Variants in EEPD1 observed in about 807,000 individuals in gnomAD.
EEPD1 encodes endonuclease/exonuclease/phosphatase family domain-containing protein 1.
EEPD1 carries 17 observed loss-of-function variants against 46.3 expected under a neutral mutation model. The ratio of observed to expected loss-of-function variants is 0.37; its 90% CI spans 0.25 to 0.55. EEPD1 has a LOEUF of 0.55. Ranked by LOEUF, EEPD1 falls within the 20% of genes least tolerant of loss-of-function variation. The pLI, the probability that EEPD1 is intolerant of heterozygous loss-of-function variation, is 0.83. For missense variants in EEPD1, 673 were observed against 745.6 expected, an observed-to-expected ratio of 0.90 and a Z score of 1.13; for synonymous variants, 313 against 315.6, an observed-to-expected ratio of 0.99 and a Z score of 0.09.
chr7:36,299,523 T>G lies in EEPD1; in HGVS notation c.*317T>G. On this transcript the variant is annotated 3_prime_UTR_variant, in exon 8 of 8. Transcript: ENST00000242108. Reference sequence around the variant, plus strand: ...TGACTGGATGGCAGCACAAAGACAATATGAGCAGAGGGAGGAGAAGAAGGG... The same window carrying G: ...TGACTGGATGGCAGCACAAAGACAAGATGAGCAGAGGGAGGAGAAGAAGGG... The G allele has an allele frequency of 2.7e-6, 1 of 370,258 alleles. No individual in the cohort carries two copies. 22.9% of individuals were successfully genotyped at this position (370,258 alleles called of 1,614,324 possible).
At chr7:36,258,445 T>G (rs1306920607) in intron 3 of EEPD1, among the ~76,000 whole-genome samples, 1 of 152,166 alleles carries the variant, frequency 6.6e-6, no homozygotes, top group East Asian at 1.9e-4. Context: ...TTCCCCCAGG[T>G]GCTCTGTCCC....
chr7:36,227,020 C>T (rs757289358), intron 2 of EEPD1, among the ~76,000 whole-genome samples: 1 of 151,818 alleles, frequency 6.6e-6, no homozygotes, highest in African/African-American at 2.4e-5. Flanking sequence ...ACTGATTTCT[C>T]ACAGATCTAA....
At chr7:36,281,320 T>A (rs1787259494) in intron 4 of EEPD1, 95 bp downstream of exon 4, 1 of 1,104,148 alleles carries the variant, frequency 9.1e-7, no homozygotes. Flanking sequence ...TTTGCCAATA[T>A]CCCCGGTTCA....
intron 6 of EEPD1, among the ~76,000 whole-genome samples, chr7:36,291,724 C>G (rs537411026): frequency 6.6e-6 from 1 of 152,174 alleles, no homozygotes; most frequent in Non-Finnish European, 1.5e-5. Flanking sequence ...GAAGCACACC[C>G]GTGGCCAGGA....
intron 2 of EEPD1, among the ~76,000 whole-genome samples, chr7:36,171,507 T>C (rs1785081434): frequency 6.6e-6 from 1 of 152,258 alleles, no homozygotes; most frequent in Admixed American, 6.5e-5. Context: ...TCAGACATCA[T>C]TGATTGAATC....
intron 2 of EEPD1, among the ~76,000 whole-genome samples, chr7:36,236,913 A>T (rs770033464): frequency 6.6e-6 from 1 of 152,218 alleles, no homozygotes; most frequent in Non-Finnish European, 1.5e-5. Flanking sequence ...CAGGCCCCCT[A>T]GCCAGCAGGG....
intron 2 of EEPD1, among the ~76,000 whole-genome samples, chr7:36,208,553 G>A (rs1317721865): frequency 3.3e-5 from 5 of 152,204 alleles, no homozygotes; most frequent in Non-Finnish European, 7.3e-5. Flanking sequence ...TGTGTCACTG[G>A]AATTGAGTGG....
At chr7:36,273,625 C>G (rs1402878774) in intron 3 of EEPD1, among the ~76,000 whole-genome samples, 2 of 152,132 alleles carry the variant, frequency 1.3e-5, no homozygotes, top group Non-Finnish European at 2.9e-5. Flanking sequence ...TATTTCCTCT[C>G]TCAGTTGTAT....
At chr7:36,207,950 C>G (rs1222946444) in intron 2 of EEPD1, among the ~76,000 whole-genome samples, 2 of 147,984 alleles carry the variant, frequency 1.4e-5, no homozygotes, top group East Asian at 2.0e-4. Context: ...TTTGTTCACA[C>G]AGGCCATTGG....
chr7:36,201,666 A>G (rs1001760161), intron 2 of EEPD1, among the ~76,000 whole-genome samples: 1 of 152,050 alleles, frequency 6.6e-6, no homozygotes, highest in African/African-American at 2.4e-5. Context: ...CCAGCTGTAA[A>G]CCATCAACTC....
At chr7:36,162,029 T>C (rs1784906893) in intron 2 of EEPD1, among the ~76,000 whole-genome samples, 1 of 152,228 alleles carries the variant, frequency 6.6e-6, no homozygotes, top group East Asian at 1.9e-4. Context: ...ATGGACATCC[T>C]GGTTTGTGTG....
chr7:36,293,768 A>G (rs1372716658), intron 6 of EEPD1, among the ~76,000 whole-genome samples: 1 of 152,180 alleles, frequency 6.6e-6, no homozygotes, highest in Non-Finnish European at 1.5e-5. Context: ...GTTCAAGACT[A>G]GCCTGGCCAA....
Position 36,193,316 on chromosome 7 carries a change from G to A in EEPD1, c.878+38114G>A, listed in dbSNP as rs1583799301. Among the ~76,000 whole-genome samples, 1 of 152,224 alleles carries A rather than the reference G, an allele frequency of 6.6e-6. No individual in the cohort carries two copies. Among genetic ancestry groups the A allele is most frequent in the Non-Finnish European group, 1.5e-5 (1 of 68,046 alleles). On this transcript the variant is annotated intron_variant, in intron 2 of 7. Transcript: ENST00000242108. The surrounding 1 kb of genome is among the most constrained non-coding windows in gnomAD (Gnocchi z 4.9). ...GAGCAGAGTTCCCGAGAGGGAGAGT[G>A]TGCAGAAGCCTGGAGCCTGGAGAGG...
chr7:36,173,337 A>AC (rs1453562858), intron 2 of EEPD1, among the ~76,000 whole-genome samples: 1 of 150,430 alleles, frequency 6.6e-6, no homozygotes, highest in African/African-American at 2.4e-5. Context: ...AAAAAAAAAA[A>AC]AAAAAAAAAA....
Position 36,153,543 on chromosome 7 carries a change from G to A in EEPD1, c.-324G>A, listed in dbSNP as rs530240068. 17 of 152,532 alleles carry A rather than the reference G, an allele frequency of 1.1e-4. No individual in the cohort carries two copies. The highest frequency in any genetic ancestry group is 4.1e-4 in the African/African-American group (17 of 41,592). 9.4% of individuals were successfully genotyped at this position (152,532 alleles called of 1,614,324 possible). A position where few individuals can be genotyped will look rare whatever the true frequency, so the allele number is the denominator to read the frequency against. The stretch of plus-strand genomic sequence containing the variant: ...ACCGAAGCGGCGTAGTCGGCTTCCA[G>A]GGCCTGACCAGTGACCCACACCCGC... On this transcript the variant is annotated 5_prime_UTR_variant, in exon 1 of 8. Transcript: ENST00000242108.
intron 2 of EEPD1, among the ~76,000 whole-genome samples, chr7:36,212,223 A>T (rs1252708158): frequency 6.6e-6 from 1 of 152,170 alleles, no homozygotes; most frequent in Non-Finnish European, 1.5e-5. Context: ...TTCCTCTATG[A>T]AGTAACCCAG....
chr7:36,282,700 G>T (rs940443361), intron 4 of EEPD1, among the ~76,000 whole-genome samples: 1 of 152,220 alleles, frequency 6.6e-6, no homozygotes, highest in Non-Finnish European at 1.5e-5. Context: ...TGAACGTAGC[G>T]CAGGCCAGGG....
intron 3 of EEPD1, among the ~76,000 whole-genome samples, chr7:36,248,308 G>A (rs997608967): frequency 4.6e-5 from 7 of 151,294 alleles, no homozygotes; most frequent in Non-Finnish European, 7.4e-5. Flanking sequence ...GAGCTCAAGC[G>A]ATTTTACCCC....
chr7:36,248,355 A>G (rs1334663883), intron 3 of EEPD1, among the ~76,000 whole-genome samples: 1 of 151,384 alleles, frequency 6.6e-6, no homozygotes, highest in African/African-American at 2.4e-5. Flanking sequence ...ACAGGCTTGC[A>G]CCACCACACC....
Sources: gnomAD v4.1 joint callset for allele counts (sites outside exome capture counted in the v4.1 genomes callset) on GRCh38, gnomAD v4.1.1 for gene constraint, Gnocchi (gnomAD v3.1) non-coding constraint, MANE v1.5 for transcripts, NCBI Gene and HGNC (gene_info 2026-07-23, HGNC 2026-07-21) for gene names.